Variants in COL11A2 observed in about 807,000 individuals in gnomAD.
COL11A2 encodes collagen type XI alpha 2 chain, also known as collagen alpha-2(XI) chain.
COL11A2 carries 116 observed loss-of-function variants against 273.4 expected under a neutral mutation model. That is an observed-to-expected ratio of 0.42 (90% confidence interval 0.36 to 0.49). COL11A2 has a LOEUF of 0.49. Ranked by LOEUF, COL11A2 falls within the 20% of genes least tolerant of loss-of-function variation. The pLI is 0.00. For missense variants in COL11A2, 1,866 were observed against 2,309.0 expected, an observed-to-expected ratio of 0.81 and a Z score of 3.93; for synonymous variants, 782 against 864.2, an observed-to-expected ratio of 0.90 and a Z score of 1.67.
In COL11A2 at chr6:33,167,551, A is replaced by G. The variant is rs769652523; in HGVS notation, c.4015-18T>C. The G allele has an allele frequency of 2.5e-6, 4 of 1,610,422 alleles. No homozygotes were observed. The highest frequency in any genetic ancestry group is 2.2e-5 in the East Asian group (1 of 44,856). ...GGATCTCCCTGAAACACACACAAGG[A>G]ATGTGTCCTGAATGGCAGAGGAGTG... is the stretch of plus-strand genomic sequence containing the variant. On this transcript the variant is annotated intron_variant, in intron 55 of 65. Transcript: ENST00000341947. This position sits in a 1 kb window ranked among gnomAD's most constrained non-coding sequence, Gnocchi z 6.1.
rs1205164374 is a variant in COL11A2 at position 33,166,311 on chromosome 6, C to G, written c.4393-105G>C. The G allele has an allele frequency of 9.8e-6, 14 of 1,423,860 alleles. No homozygotes were observed. Among genetic ancestry groups the G allele is most frequent in the African/African-American group, 2.8e-5 (2 of 70,774 alleles). 88.2% of individuals were successfully genotyped at this position (1,423,860 alleles called of 1,614,324 possible). ...AGTCCACAGGAGCCTCGGGTTACTA[C>G]AGGAGGGGCAGTCTTGTGGGAATAC... is the stretch of plus-strand genomic sequence containing the variant. On this transcript the variant is annotated intron_variant, in intron 60 of 65. Transcript: ENST00000341947. This position sits in a 1 kb window ranked among gnomAD's most constrained non-coding sequence, Gnocchi z 4.8.
chr6:33,175,769 AG>A, intron 29 of COL11A2, 88 bp from the exon 30 acceptor site: 1 of 1,315,574 alleles, frequency 7.6e-7, no homozygotes. Context: ...GAGGCTGAGG[AG>A]GGCTAGAGGG....
chr6:33,180,243 C>G lies in COL11A2; in HGVS notation c.1359+15G>C. ...TTCCCCATCAGCATGTTCCAAAACC[C>G]AAGAGACAACTCACTGGGAGCATGA... On this transcript the variant is annotated intron_variant, in intron 12 of 65. Transcript: ENST00000341947. 1 of 1,612,528 alleles carries G rather than the reference C, an allele frequency of 6.2e-7. No homozygotes were observed. The highest frequency in any genetic ancestry group is 8.5e-7 in the Non-Finnish European group (1 of 1,179,640).
chr6:33,177,795 G>T lies in COL11A2; in HGVS notation c.1873-89C>A, dbSNP rs1243102946. 2 of 1,423,214 alleles carry T rather than the reference G, an allele frequency of 1.4e-6. No homozygotes were observed. The highest frequency in any genetic ancestry group is 2.0e-6 in the Non-Finnish European group (2 of 1,015,968). The allele number at this position is 1,423,214 out of a possible 1,614,324, so 88.2% of individuals were successfully genotyped here. A position where few individuals can be genotyped will look rare whatever the true frequency, so the allele number is the denominator to read the frequency against. On this transcript the variant is annotated intron_variant, in intron 21 of 65. Coordinates refer to ENST00000341947, the MANE Select transcript of COL11A2 (RefSeq NM_080680.3). This position sits in a 1 kb window ranked among gnomAD's most constrained non-coding sequence, Gnocchi z 5.9. ...GCCCGGCCATTCCCGAGGGTGTGAC[G>T]GTCAGACCTCCAATCCATCCCAAAC... is the stretch of plus-strand genomic sequence containing the variant.
intron 52 of COL11A2, 23 bp from the exon 53 acceptor site, chr6:33,168,782 G>T: frequency 1.3e-6 from 2 of 1,598,258 alleles, no homozygotes; most frequent in Admixed American, 1.7e-5. Context: ...AGCAAGGTCA[G>T]AGGTGGGCCC....
chr6:33,172,229 G>C, intron 40 of COL11A2, 60 bp downstream of exon 40: 1 of 1,573,748 alleles, frequency 6.4e-7, no homozygotes, highest in Non-Finnish European at 8.7e-7. Context: ...GACAGGGTCG[G>C]GGTGGGGACT....
Position 33,189,177 on chromosome 6 carries a change from T to C in COL11A2, c.244A>G (p.Lys82Glu), listed in dbSNP as rs1328067774. The C allele has an allele frequency of 6.2e-7, 1 of 1,613,786 alleles. No homozygotes were observed. Among genetic ancestry groups the C allele is most frequent in the Non-Finnish European group, 8.5e-7 (1 of 1,179,838 alleles). ...ACAACAGTCAGCAGAGAGAAATCTTTGGGAAATCCTCCTAGTAACCGAGAG... is the reference window on the plus strand; with the variant it reads ...ACAACAGTCAGCAGAGAGAAATCTTCGGGAAATCCTCCTAGTAACCGAGAG... ...TRQLFPGGFP[K>E]DFSLLTVVRT... The change falls in exon 3 of 66, where the codon AAA (lysine) becomes GAA (glutamate). Residue 82 changes from lysine to glutamate, a missense_variant. By Grantham distance (56) the Lys-to-Glu change is moderately conservative. Coordinates refer to ENST00000341947, the MANE Select transcript of COL11A2 (RefSeq NM_080680.3). The surrounding 1 kb of genome is among the most constrained non-coding windows in gnomAD (Gnocchi z 5.6).
Position 33,169,245 on chromosome 6 carries a change from T to C in COL11A2, c.3798+138A>G. The C allele has an allele frequency of 1.2e-6, 1 of 815,188 alleles. No individual in the cohort carries two copies. Among genetic ancestry groups the C allele is most frequent in the Non-Finnish European group, 2.0e-6 (1 of 499,362 alleles). 50.5% of individuals were successfully genotyped at this position (815,188 alleles called of 1,614,324 possible). ...GGATCCTAGACCCCAGGCATCCCTC[T>C]GGATGCCCCATTCCCAGAGCATCCC... On this transcript the variant is annotated intron_variant, in intron 51 of 65. Transcript: ENST00000341947. The surrounding 1 kb of genome is among the most constrained non-coding windows in gnomAD (Gnocchi z 5.5).
chr6:33,182,320 AATGAAAAAGTAT>A (rs1771835090), intron 8 of COL11A2, among the ~76,000 whole-genome samples: 1 of 152,250 alleles, frequency 6.6e-6, no homozygotes, highest in Non-Finnish European at 1.5e-5. Flanking sequence ...TTTCTCCAGA[AATGAAAAAGTAT>A]ATGCTATTAT....
intron 6 of COL11A2, 104 bp from the exon 7 acceptor site, chr6:33,185,158 TG>T: frequency 1.2e-6 from 1 of 837,898 alleles, no homozygotes; most frequent in Non-Finnish European, 2.0e-6. Context: ...GGGCAGGGTC[TG>T]TCTGTGCTGG....
Position 33,178,567 on chromosome 6 carries a change from T to A in COL11A2, c.1720-79A>T. On this transcript the variant is annotated intron_variant, in intron 18 of 65. Transcript: ENST00000341947. The surrounding 1 kb of genome is among the most constrained non-coding windows in gnomAD (Gnocchi z 4.6). ...ACACCGAACCTCTGCACTTAGCCCA[T>A]CCATTACTTTCACTGAGCTCCTGCC... 22 of 1,607,372 alleles carry A rather than the reference T, an allele frequency of 1.4e-5. No individual in the cohort carries two copies. Among genetic ancestry groups the A allele is most frequent in the Non-Finnish European group, 1.8e-5 (21 of 1,175,246 alleles).
rs764998691 is a variant in COL11A2, at chr6:33,179,784, C to A, written c.1381G>T (p.Gly461Cys). 58 of 1,611,678 alleles carry A rather than the reference C, an allele frequency of 3.6e-5. No individual in the cohort carries two copies. The highest frequency in any genetic ancestry group is 6.8e-6 in the Non-Finnish European group (8 of 1,180,026). ...MLPFRFGSGG[G>C]DKGPVVAAQE... ...GCCGCCACCACAGGGCCCTTGTCAC[C>A]CCCACCACTGCCAAACCGGAACTGA... The change falls in exon 13 of 66, where the codon GGT (glycine) becomes TGT (cysteine). Residue 461 changes from glycine to cysteine, a missense_variant. By Grantham distance (159) the Gly-to-Cys change is radical. Transcript: ENST00000341947. This position sits in a 1 kb window ranked among gnomAD's most constrained non-coding sequence, Gnocchi z 6.4.
chr6:33,182,024 C>T (rs1226959260), intron 8 of COL11A2, among the ~76,000 whole-genome samples: 1 of 152,194 alleles, frequency 6.6e-6, no homozygotes, highest in East Asian at 1.9e-4. Context: ...CCCATAATCC[C>T]AGCACTTTGG....
rs1199137747 is a variant in COL11A2, at chr6:33,178,980, G to T, written c.1612-7C>A. The T allele has an allele frequency of 9.3e-6, 15 of 1,614,016 alleles. No homozygotes were observed. The highest frequency in any genetic ancestry group is 1.2e-5 in the Non-Finnish European group (14 of 1,180,008). ...CATCAGCACCTGCCCGGCCCTGGGA[G>T]AACAAGGGAAGTGTCAGAACAAGCA... On this transcript the variant is annotated splice_region_variant and splice_polypyrimidine_tract_variant and intron_variant, in intron 16 of 65. Transcript: ENST00000341947. This position sits in a 1 kb window ranked among gnomAD's most constrained non-coding sequence, Gnocchi z 4.6.
chr6:33,176,957 A>G lies in COL11A2; in HGVS notation c.2070+35T>C. 3.1e-6 allele frequency: 5 copies of G among 1,603,400 alleles called. No homozygotes were observed. The highest frequency in any genetic ancestry group is 4.3e-6 in the Non-Finnish European group (5 of 1,174,806). On this transcript the variant is annotated intron_variant, in intron 25 of 65. Coordinates refer to ENST00000341947, the MANE Select transcript of COL11A2 (RefSeq NM_080680.3). The surrounding 1 kb of genome is among the most constrained non-coding windows in gnomAD (Gnocchi z 4.9). ...GGTCATGCACTGGGGTGGAAGGCCA[A>G]GGGGAACTGGATTCGGAAGTGGGGT...
In COL11A2 at chr6:33,166,540, A is replaced by G. The variant is rs747734438; in HGVS notation, c.4365T>C (p.Ile1455=). 1.3e-5 allele frequency: 21 copies of G among 1,613,838 alleles called. No individual in the cohort carries two copies. In the South Asian group the frequency reaches 2.2e-4, roughly 17 times the overall value. Residue 1455 remains isoleucine (I), a synonymous_variant, in exon 60 of 66, where the codon ATT becomes ATC. Transcript: ENST00000341947. The surrounding 1 kb of genome is among the most constrained non-coding windows in gnomAD (Gnocchi z 4.8). Reference sequence around the variant, plus strand: ...GGAGGCCGGGGGGACCTCCAGGACCAATGGGGCCGGATGCTCCTGGGATAC... The same window carrying G: ...GGAGGCCGGGGGGACCTCCAGGACCGATGGGGCCGGATGCTCCTGGGATAC... ...EMGIPGASGP[I]GPGGPPGLPG...
rs574623785 is a variant in COL11A2, at chr6:33,180,892, G to A, written c.1221+72C>T. ...TGAGGAGGAGGCCTGGGCATATGTG[G>A]GGAAGGCTCAGATGAGCACATAGAA... On this transcript the variant is annotated intron_variant, in intron 10 of 65. Coordinates refer to ENST00000341947, the MANE Select transcript of COL11A2 (RefSeq NM_080680.3). 1.3e-5 allele frequency: 21 copies of A among 1,591,810 alleles called. No individual in the cohort carries two copies. The South Asian group carries it at 2.0e-4, about 15-fold the overall frequency.
chr6:33,185,110 G>T (rs1772228034), intron 6 of COL11A2, 56 bp from the exon 7 acceptor site: 2 of 1,347,844 alleles, frequency 1.5e-6, no homozygotes, highest in South Asian at 1.3e-5. Context: ...AAGGAGAAAG[G>T]TTAGCAGAAG....
At position 33,189,641 on chromosome 6, in the gene COL11A2, G is replaced by A. The variant is rs559544074; in HGVS notation, c.83-172C>T. On this transcript the variant is annotated intron_variant, in intron 1 of 65. Transcript: ENST00000341947. This position sits in a 1 kb window ranked among gnomAD's most constrained non-coding sequence, Gnocchi z 5.6. The stretch of plus-strand genomic sequence containing the variant: ...ACCTGAATGGATGGGAAATGCAAAG[G>A]TACCTGGAGGCAGGGCAGCATCAGC... Among the ~76,000 whole-genome samples, 4 of 152,170 alleles carry A rather than the reference G, an allele frequency of 2.6e-5. No homozygotes were observed. Among genetic ancestry groups the A allele is most frequent in the Non-Finnish European group, 5.9e-5 (4 of 68,030 alleles).
Sources: gnomAD v4.1 joint callset for allele counts (sites outside exome capture counted in the v4.1 genomes callset) on GRCh38, gnomAD v4.1.1 for gene constraint, Gnocchi (gnomAD v3.1) non-coding constraint, MANE v1.5 for transcripts, NCBI Gene and HGNC (gene_info 2026-07-23, HGNC 2026-07-21) for gene names.